The following SP100 variants were observed in gnomAD, a reference collection of about 807,000 sequenced individuals.
The protein encoded by SP100 is nuclear autoantigen Sp-100.
SP100 carries 84 observed loss-of-function variants against 130.0 expected under a neutral mutation model. The ratio of observed to expected loss-of-function variants is 0.65; its 90% CI spans 0.54 to 0.77. The LOEUF (loss-of-function observed/expected upper bound fraction) is 0.77. Ranked by LOEUF, SP100 falls within the 30% of genes least tolerant of loss-of-function variation. SP100 has a pLI of 0.00. For missense variants in SP100, 978 were observed against 1,052.2 expected (o/e 0.93, Z 0.97); for synonymous variants, 331 against 351.7 (o/e 0.94, Z 0.66).
At chr2:230,541,428 G>T (rs1309414729) in intron 27 of SP100, 56 bp downstream of exon 27, 8 of 1,426,662 alleles carry the variant, frequency 5.6e-6, no homozygotes, top group Non-Finnish European at 7.9e-6. Context: ...TCTGTGATCT[G>T]AATCCCATGG....
chr2:230,525,841 G>GCT (rs1691395656), intron 24 of SP100, among the ~76,000 whole-genome samples: 1 of 152,082 alleles, frequency 6.6e-6, no homozygotes, highest in African/African-American at 2.4e-5. Context: ...GATTGGTGGG[G>GCT]GGAGGGGCAC....
intron 17 of SP100, among the ~76,000 whole-genome samples, chr2:230,487,655 T>C (rs1297170634): frequency 2.6e-5 from 4 of 152,186 alleles, no homozygotes; most frequent in Non-Finnish European, 5.9e-5. Context: ...CTTGACTGTA[T>C]GGGGTCTTCT....
chr2:230,530,617 G>T (rs1174148490), intron 24 of SP100, among the ~76,000 whole-genome samples: 2 of 152,282 alleles, frequency 1.3e-5, no homozygotes, highest in East Asian at 1.9e-4. Flanking sequence ...CACAGCAAAA[G>T]AACCTATCAT....
At chr2:230,495,062 C>T (rs1472405333) in intron 18 of SP100, among the ~76,000 whole-genome samples, 1 of 152,218 alleles carries the variant, frequency 6.6e-6, no homozygotes, top group Non-Finnish European at 1.5e-5. Context: ...TATTCAGATC[C>T]AGCCTTTTTG....
chr2:230,420,252 T>C (rs2062729906), intron 2 of SP100, among the ~76,000 whole-genome samples: 2 of 152,356 alleles, frequency 1.3e-5, no homozygotes, highest in Admixed American at 6.5e-5. Flanking sequence ...ATAGGAGTCT[T>C]ACTAAGTGGT....
chr2:230,545,543 CT>C lies in SP100; in HGVS notation c.*2598del, dbSNP rs1692279826. On this transcript the variant is annotated 3_prime_UTR_variant, in exon 29 of 29. Transcript: ENST00000340126. The stretch of plus-strand genomic sequence containing the variant: ...ATATAACAAACCTTCACATATACCC[CT>C]GAACCTAAAAGTTTTTTTAATTGTA... 6.6e-6 allele frequency among the ~76,000 whole-genome samples: 1 copy of C among 151,908 alleles called. No homozygotes were observed. The highest frequency in any genetic ancestry group is 2.4e-5 in the African/African-American group (1 of 41,336).
chr2:230,448,446 C>A (rs768471665), intron 5 of SP100, among the ~76,000 whole-genome samples: 2 of 152,062 alleles, frequency 1.3e-5, no homozygotes, highest in Non-Finnish European at 2.9e-5. Flanking sequence ...AGAGATACCA[C>A]AAATGGAGTT....
intron 28 of SP100, among the ~76,000 whole-genome samples, chr2:230,542,548 A>T (rs926905603): frequency 6.6e-5 from 10 of 152,246 alleles, no homozygotes; most frequent in African/African-American, 2.4e-4. Context: ...TACTATCATA[A>T]GGTTACTCAG....
At chr2:230,456,476 T>C (rs1321615266) in intron 8 of SP100, among the ~76,000 whole-genome samples, 1 of 152,214 alleles carries the variant, frequency 6.6e-6, no homozygotes, top group African/African-American at 2.4e-5. Context: ...CAAAGCTTTA[T>C]ACTATTATCT....
chr2:230,507,261 G>A (rs796169494), intron 22 of SP100: 1 of 152,182 alleles, frequency 6.6e-6, no homozygotes, highest in Admixed American at 6.6e-5. Flanking sequence ...CCTAAGGAGG[G>A]GTAAACCAGT....
At chr2:230,416,682 A>G (rs1418941616) in intron 1 of SP100, 13 of 978,980 alleles carry the variant, frequency 1.3e-5, no homozygotes, top group South Asian at 4.0e-5. Flanking sequence ...TCTACCTTCA[A>G]ATATGTCATG....
intron 11 of SP100, 25 bp from the exon 12 acceptor site, chr2:230,466,276 C>T (rs756327659): frequency 3.6e-5 from 51 of 1,411,888 alleles, no homozygotes; most frequent in South Asian, 1.6e-4. Flanking sequence ...ATACAAATAA[C>T]GGGTTTCTCC....
chr2:230,467,082 C>G, intron 12 of SP100, 38 bp from the exon 13 acceptor site: 7 of 1,370,098 alleles, frequency 5.1e-6, no homozygotes, highest in Non-Finnish European at 7.3e-6. Flanking sequence ...CCTTATCATA[C>G]ATTGAGAGCT....
Position 230,469,023 on chromosome 2 carries a change from G to T in SP100, c.1292-20G>T. On this transcript the variant is annotated intron_variant, in intron 13 of 28. Coordinates refer to ENST00000340126, the MANE Select transcript of SP100 (RefSeq NM_001080391.2). ...TCTTTTAGTTAGATATTATTGATTT[G>T]GTTTTCCTTTACTTTCTAGCTCCTA... The T allele has an allele frequency of 6.7e-7, 1 of 1,494,964 alleles. No individual in the cohort carries two copies. The highest frequency in any genetic ancestry group is 9.2e-7 in the Non-Finnish European group (1 of 1,083,406). 92.6% of individuals were successfully genotyped at this position (1,494,964 alleles called of 1,614,324 possible).
At chr2:230,521,757 G>A (rs1415541933) in intron 24 of SP100, among the ~76,000 whole-genome samples, 2 of 152,168 alleles carry the variant, frequency 1.3e-5, no homozygotes, top group East Asian at 3.9e-4. Flanking sequence ...CTCCTAAGCA[G>A]CTGCCCACTC....
rs922689277 is a variant in SP100, at chr2:230,473,425, G to A, written c.1531G>A (p.Ala511Thr). The A allele has an allele frequency of 1.6e-5, 26 of 1,610,724 alleles. No individual in the cohort carries two copies. The highest frequency in any genetic ancestry group is 1.7e-5 in the Non-Finnish European group (20 of 1,177,062). ...AGAAGCAAGGACTGAAAGTAGTCAA[G>A]CATCTGACATGATGGGTAAGGCTAC... ...SQEARTESSQ[A>T]SDMMDTMDVE... The change falls in exon 16 of 29, where the codon GCA (alanine) becomes ACA (threonine). Residue 511 changes from alanine (A) to threonine (T), a missense_variant. Coordinates refer to ENST00000340126, the MANE Select transcript of SP100 (RefSeq NM_001080391.2).
At chr2:230,493,615 C>T (rs2066505524) in intron 17 of SP100, among the ~76,000 whole-genome samples, 1 of 152,030 alleles carries the variant, frequency 6.6e-6, no homozygotes, top group African/African-American at 2.4e-5. Context: ...TGTCTAATCC[C>T]CTTTATTTGC....
At chr2:230,462,407 T>C (rs2064704871) in intron 9 of SP100, 28 bp from the exon 10 acceptor site, 1 of 1,583,742 alleles carries the variant, frequency 6.3e-7, no homozygotes, top group Admixed American at 1.7e-5. Context: ...ACCCTGAGAC[T>C]CTTAATGGTT....
chr2:230,438,001 C>T (rs543549156), intron 2 of SP100, among the ~76,000 whole-genome samples: 1 of 152,278 alleles, frequency 6.6e-6, no homozygotes, highest in Admixed American at 6.5e-5. Context: ...ACATTTGTCT[C>T]ATGATTTGTT....
Sources: gnomAD v4.1 joint callset for allele counts (sites outside exome capture counted in the v4.1 genomes callset) on GRCh38, gnomAD v4.1.1 for gene constraint, MANE v1.5 for transcripts, NCBI Gene and HGNC (gene_info 2026-07-23, HGNC 2026-07-21) for gene names.